Variants in SYNM observed in about 807,000 individuals in gnomAD.
SYNM encodes synemin.
A neutral mutation model predicts 104.0 loss-of-function variants in SYNM; 95 were observed. That is an observed-to-expected ratio of 0.91 (90% CI 0.77 to 1.08). SYNM has a LOEUF of 1.08. Among genes scored for constraint, SYNM ranks in the 50% least tolerant of loss-of-function variants. The pLI is 0.00. For synonymous variants in SYNM, 918 were observed against 869.0 expected, an observed-to-expected ratio of 1.06 and a Z score of -0.99; for missense variants, 2,150 against 2,052.2, an observed-to-expected ratio of 1.05 and a Z score of -0.92.
downstream of SYNM, chr15:99,137,879 T>A (rs1393628862): frequency 7.0e-7 from 1 of 1,430,426 alleles, no homozygotes; most frequent in Non-Finnish European, 9.5e-7. Context: ...CTGTTGCATG[T>A]TGGGGCCAAC....
intron 2 of SYNM, among the ~76,000 whole-genome samples, chr15:99,116,316 G>C (rs1433355182): frequency 6.6e-6 from 1 of 152,224 alleles, no homozygotes; most frequent in Non-Finnish European, 1.5e-5. Context: ...TGGAAAACTT[G>C]AAAACACTCG....
chr15:99,139,133 A>G, downstream of SYNM: 1 of 756,060 alleles, frequency 1.3e-6, no homozygotes, highest in Non-Finnish European at 2.3e-6. Context: ...TTATTTTTAA[A>G]TACCTGGGCA....
At chr15:99,139,248 C>T, downstream of SYNM, 1 of 1,574,756 alleles carries the variant, frequency 6.4e-7, no homozygotes, top group East Asian at 2.3e-5. Flanking sequence ...CCTTCTAGAA[C>T]CAGCTTTCTC....
At chr15:99,113,031 G>A (rs943010416) in intron 1 of SYNM, among the ~76,000 whole-genome samples, 3 of 152,182 alleles carry the variant, frequency 2.0e-5, no homozygotes, top group Admixed American at 2.0e-4. Flanking sequence ...TTTTATATCT[G>A]AGTCTGTAGT....
chr15:99,132,340 A>G lies in SYNM; in HGVS notation c.3980A>G (p.His1327Arg), dbSNP rs1555486105. The G allele has an allele frequency of 1.2e-6, 2 of 1,613,592 alleles. No individual in the cohort carries two copies. The highest frequency in any genetic ancestry group is 2.7e-5 in the African/African-American group (2 of 74,918). The stretch of plus-strand genomic sequence containing the variant: ...CAGACCACCCAGCAGATAGTTTACC[A>G]TGGGCTGGTTCCCCAACTGGGGGAA... ...RHQTTQQIVY[H>R]GLVPQLGESG... The change falls in exon 4 of 4, where the codon CAT (histidine) becomes CGT (arginine). Residue 1327 changes from histidine to arginine, a missense_variant. Physicochemically the swap from His to Arg is conservative, Grantham distance 29 (BLOSUM62 0). Coordinates refer to ENST00000336292, the MANE Select transcript of SYNM (RefSeq NM_145728.3).
intron 2 of SYNM, among the ~76,000 whole-genome samples, chr15:99,117,661 C>T (rs2067361855): frequency 6.6e-6 from 1 of 152,160 alleles, no homozygotes; most frequent in African/African-American, 2.4e-5. Context: ...TTCCCTACTT[C>T]GTCCTGCCCC....
In SYNM at chr15:99,129,720, A is replaced by C; in HGVS notation, c.1360A>C (p.Thr454Pro). ...TFPDRPKAGD[T>P]REVPVYIGED... is the part of the protein sequence containing the mutation. The stretch of plus-strand genomic sequence containing the variant: ...CCCTGACAGACCAAAAGCCGGAGAT[A>C]CAAGGGAGGTCCCCGTTTACATAGG... Residue 454 changes from threonine (T) to proline (P), a missense_variant, in exon 4 of 4, where the codon ACA (threonine) becomes CCA (proline). By Grantham distance (38) the Thr-to-Pro change is conservative (BLOSUM62 -1). Transcript: ENST00000336292. 1 of 1,613,802 alleles carries C rather than the reference A, an allele frequency of 6.2e-7. No individual in the cohort carries two copies. The highest frequency in any genetic ancestry group is 8.5e-7 in the Non-Finnish European group (1 of 1,179,910).
At chr15:99,110,158 A>T (rs551264807) in intron 1 of SYNM, among the ~76,000 whole-genome samples, 6 of 152,312 alleles carry the variant, frequency 3.9e-5, no homozygotes, top group African/African-American at 1.4e-4. Context: ...ATCACAGTGG[A>T]CTTCAGGCGT....
At position 99,132,854 on chromosome 15, in the gene SYNM, C is replaced by T. The variant is rs149590048; in HGVS notation, c.4494C>T (p.Asp1498=). ...GGAGAGACGCGGACAGTAGGAATGA[C>T]CAGGCAGTTGGTGTGAGCTTTAAGG... is the stretch of plus-strand genomic sequence containing the variant. ...GSWRDADSRN[D]QAVGVSFKAS... is the part of the protein sequence containing the mutation. The change falls in exon 4 of 4, where the codon GAC becomes GAT. Residue 1498 remains aspartate (D), a synonymous_variant. Coordinates refer to ENST00000336292, the MANE Select transcript of SYNM (RefSeq NM_145728.3). 174 of 1,613,884 alleles carry T rather than the reference C, an allele frequency of 1.1e-4. 1 individual carries two copies. The East Asian group carries it at 3.1e-3, about 29-fold the overall frequency.
chr15:99,115,501 A>G (rs1670243), intron 2 of SYNM, among the ~76,000 whole-genome samples: 77,013 of 141,470 alleles, frequency 0.54, 20,938 homozygotes, highest in Middle Eastern at 0.64. Flanking sequence ...GTCTTGCTCC[A>G]TCTCCTAGGC....
downstream of SYNM, chr15:99,139,309 C>A: frequency 1.2e-6 from 2 of 1,611,282 alleles, no homozygotes; most frequent in South Asian, 1.1e-5. Flanking sequence ...TGAGGGACGC[C>A]AACTCACGTG....
At chr15:99,110,930 C>G (rs1555483356) in intron 1 of SYNM, among the ~76,000 whole-genome samples, 1 of 152,210 alleles carries the variant, frequency 6.6e-6, no homozygotes, top group Non-Finnish European at 1.5e-5. Context: ...AAGTTTTATT[C>G]CACAGCAGGA....
At chr15:99,114,350 C>A (rs35449709) in intron 2 of SYNM, among the ~76,000 whole-genome samples, 22,965 of 151,804 alleles carry the variant, frequency 0.15, 1,749 homozygotes, top group African/African-American at 0.18. Flanking sequence ...ATGAGAACAG[C>A]GTGGGGAAAA....
downstream of SYNM, chr15:99,137,811 T>C: frequency 2.5e-6 from 2 of 795,140 alleles, no homozygotes; most frequent in Non-Finnish European, 3.8e-6. Context: ...TTATAGCATA[T>C]ATCACCCTGA....
rs782563273 is a variant in SYNM, at chr15:99,105,248, G to A, written c.49G>A (p.Glu17Lys). The change falls in exon 1 of 4, where the codon GAG becomes AAG. Residue 17 changes from glutamate (E) to lysine (K), a missense_variant. Physicochemically the swap from Glu to Lys is moderately conservative, Grantham distance 56. Coordinates refer to ENST00000336292, the MANE Select transcript of SYNM (RefSeq NM_145728.3). ...GGGCCCCGAGAAGGCCGAGCTCCAGGAGCTCAACGCCCGGCTCTATGACTA... is the reference window on the plus strand; with the variant it reads ...GGGCCCCGAGAAGGCCGAGCTCCAGAAGCTCAACGCCCGGCTCTATGACTA... ...QTGPEKAELQ[E>K]LNARLYDYVC... 7 of 1,570,116 alleles carry A rather than the reference G, an allele frequency of 4.5e-6. No homozygotes were observed. Among genetic ancestry groups the A allele is most frequent in the Non-Finnish European group, 6.0e-6 (7 of 1,158,714 alleles).
At position 99,130,971 on chromosome 15, in the gene SYNM, C is replaced by A; in HGVS notation, c.2611C>A (p.Gln871Lys). Residue 871 changes from glutamine (Q) to lysine (K), a missense_variant, in exon 4 of 4, where the codon CAG (glutamine) becomes AAG (lysine). Gln to Lys is a moderately conservative substitution (Grantham distance 53). Transcript: ENST00000336292. ...GTACTCTTGGCAGGATGAAATCGTG[C>A]AGGGGACTCGAAGGAGGACACAGAA... Reference protein sequence around the residue: ...IRYSWQDEIVQGTRRRTQKDG... With the variant: ...IRYSWQDEIVKGTRRRTQKDG... 1 of 1,613,736 alleles carries A rather than the reference C, an allele frequency of 6.2e-7. No individual in the cohort carries two copies. The highest frequency in any genetic ancestry group is 8.5e-7 in the Non-Finnish European group (1 of 1,179,800).
chr15:99,115,275 T>C (rs1043376738), intron 2 of SYNM, among the ~76,000 whole-genome samples: 19 of 152,122 alleles, frequency 1.2e-4, no homozygotes, highest in Admixed American at 4.6e-4. Flanking sequence ...TGGTGTCTCC[T>C]TCACAGGTGG....
Position 99,106,023 on chromosome 15 carries a change from G to GA in SYNM, c.810+15dup. The GA allele has an allele frequency of 1.4e-6, 2 of 1,437,608 alleles. No individual in the cohort carries two copies. Among genetic ancestry groups the GA allele is most frequent in the Non-Finnish European group, 1.8e-6 (2 of 1,100,846 alleles). The allele number at this position is 1,437,608 out of a possible 1,614,324, so 89.1% of individuals were successfully genotyped here. A position where few individuals can be genotyped will look rare whatever the true frequency, so the allele number is the denominator to read the frequency against. ...GAGGAGCGGCAGGTCCGTGCGCGGG[G>GA]ATGGCGCGCTGACCCCATACCCGCT... On this transcript the variant is annotated intron_variant, in intron 1 of 3. Coordinates refer to ENST00000336292, the MANE Select transcript of SYNM (RefSeq NM_145728.3).
In SYNM at chr15:99,105,850, G is replaced by C. The variant is rs2067232770; in HGVS notation, c.651G>C (p.Gln217His). 6.5e-7 allele frequency: 1 copy of C among 1,543,150 alleles called. No individual in the cohort carries two copies. The highest frequency in any genetic ancestry group is 8.7e-7 in the Non-Finnish European group (1 of 1,146,562). ...TGGAGGAGGCGCTGCGGCGCGGCCA[G>C]GAGAGCAGACTCCAGGCGGAGGAAG... ...RELEEALRRGQESRLQAEEET... is the reference protein window; with the variant it reads ...RELEEALRRGHESRLQAEEET... Residue 217 changes from glutamine to histidine, a missense_variant, in exon 1 of 4, where the codon CAG becomes CAC. Gln to His is a conservative substitution (Grantham distance 24). Coordinates refer to ENST00000336292, the MANE Select transcript of SYNM (RefSeq NM_145728.3).
Sources: gnomAD v4.1 joint callset for allele counts (sites outside exome capture counted in the v4.1 genomes callset) on GRCh38, gnomAD v4.1.1 for gene constraint, MANE v1.5 for transcripts, NCBI Gene and HGNC (gene_info 2026-07-23, HGNC 2026-07-21) for gene names.